Variants in SSH2 observed in about 807,000 individuals in gnomAD.
SSH2 encodes protein phosphatase Slingshot homolog 2.
Under a neutral mutation model 135.2 loss-of-function variants are expected in SSH2, and 37 were observed. The ratio of observed to expected loss-of-function variants is 0.27; its 90% CI spans 0.21 to 0.36. SSH2 has a LOEUF of 0.36. SSH2 is among the 10% of genes least tolerant of loss of function. The pLI is 1.00. For synonymous variants in SSH2, 628 were observed against 646.2 expected, an observed-to-expected ratio of 0.97 and a Z score of 0.43; for missense variants, 1,408 against 1,765.3, an observed-to-expected ratio of 0.80 and a Z score of 3.63.
chr17:29,810,396 T>G (rs1202340079), intron 2 of SSH2, among the ~76,000 whole-genome samples: 7 of 152,224 alleles, frequency 4.6e-5, no homozygotes, highest in South Asian at 4.1e-4. Context: ...AGAAGTGGGT[T>G]CTATTTATTT....
intron 2 of SSH2, among the ~76,000 whole-genome samples, chr17:29,833,352 T>G (rs2042881219): frequency 1.3e-5 from 2 of 152,240 alleles, no homozygotes; most frequent in South Asian, 4.1e-4. Context: ...CCTCTTTGTC[T>G]CTATAGTTTT....
intron 1 of SSH2, among the ~76,000 whole-genome samples, chr17:29,924,421 C>T (rs1440629557): frequency 1.3e-5 from 2 of 152,172 alleles, no homozygotes; most frequent in Non-Finnish European, 2.9e-5. Flanking sequence ...TTTGGTGAAA[C>T]TTAGATGGAC....
At chr17:29,733,973 C>T (rs1236259422) in intron 3 of SSH2, among the ~76,000 whole-genome samples, 2 of 144,676 alleles carry the variant, frequency 1.4e-5, no homozygotes, top group East Asian at 2.0e-4. Context: ...TGCAGTGGTG[C>T]GATCTTGGCT....
intron 2 of SSH2, among the ~76,000 whole-genome samples, chr17:29,824,321 T>G (rs2042706171): frequency 6.6e-6 from 1 of 152,240 alleles, no homozygotes; most frequent in Non-Finnish European, 1.5e-5. Context: ...CCATCCTGAT[T>G]GTGTCAGCAT....
chr17:29,681,092 G>C (rs1237408854), intron 6 of SSH2, among the ~76,000 whole-genome samples: 1 of 151,890 alleles, frequency 6.6e-6, no homozygotes, highest in Non-Finnish European at 1.5e-5. Flanking sequence ...TGTAATCCCA[G>C]CACTTTGGGA....
chr17:29,712,137 C>T (rs1447822825), intron 3 of SSH2, among the ~76,000 whole-genome samples: 1 of 152,206 alleles, frequency 6.6e-6, no homozygotes, highest in Non-Finnish European at 1.5e-5. Flanking sequence ...TAGGCAGATA[C>T]AAGACAAATG....
chr17:29,862,849 T>C (rs1178498451), intron 1 of SSH2, among the ~76,000 whole-genome samples: 6 of 152,182 alleles, frequency 3.9e-5, no homozygotes, highest in Non-Finnish European at 8.8e-5. Flanking sequence ...CATCTCTCAG[T>C]CCAAATCTCA....
At chr17:29,716,484 G>T in intron 3 of SSH2, 2 of 702,106 alleles carry the variant, frequency 2.8e-6, no homozygotes, top group Admixed American at 1.8e-5. Flanking sequence ...GCAGCATGCT[G>T]GTTAACATTG....
intron 1 of SSH2, among the ~76,000 whole-genome samples, chr17:29,853,417 G>GTGGTAGGCCTTT: frequency 6.6e-6 from 1 of 151,900 alleles, no homozygotes; most frequent in South Asian, 2.1e-4. Flanking sequence ...GCAACTCTCA[G>GTGGTAGGCCTTT]TGGTAGGCCT....
chr17:29,848,316 C>T (rs2065482798), intron 2 of SSH2, among the ~76,000 whole-genome samples: 3 of 152,070 alleles, frequency 2.0e-5, no homozygotes. Flanking sequence ...TTATAACATC[C>T]CATGAAATGT....
At chr17:29,701,089 G>A (rs1210462433) in intron 4 of SSH2, among the ~76,000 whole-genome samples, 4 of 151,990 alleles carry the variant, frequency 2.6e-5, no homozygotes, top group Non-Finnish European at 5.9e-5. Flanking sequence ...TCCTGACTCA[G>A]CCTCCTGAAT....
intron 4 of SSH2, among the ~76,000 whole-genome samples, chr17:29,696,908 T>C (rs936614270): frequency 6.6e-6 from 1 of 151,886 alleles, no homozygotes; most frequent in Admixed American, 6.6e-5. Context: ...ATGGTCTTGA[T>C]CTCCTGACCT....
At chr17:29,731,817 T>C (rs1461396599) in intron 3 of SSH2, among the ~76,000 whole-genome samples, 2 of 152,216 alleles carry the variant, frequency 1.3e-5, no homozygotes, top group African/African-American at 2.4e-5. Flanking sequence ...TCAGACCCTA[T>C]AGGGTACTAA....
In SSH2 at chr17:29,660,369, C is replaced by T. The variant is rs530284998; in HGVS notation, c.1033-4762G>A. 6.0e-5 allele frequency among the ~76,000 whole-genome samples: 9 copies of T among 148,854 alleles called. No homozygotes were observed. The South Asian group carries it at 1.1e-3, about 18-fold the overall frequency. On this transcript the variant is annotated intron_variant, in intron 11 of 15. Coordinates refer to ENST00000540801, the MANE Select transcript of SSH2 (RefSeq NM_001282129.2). ...GCAACCTCTGCCTCCCAGGTTCAAG[C>T]GATTCTCCTGCCTCAGCCTCCCGAG... is the stretch of plus-strand genomic sequence containing the variant.
chr17:29,703,907 A>G (rs2039093812), intron 3 of SSH2, among the ~76,000 whole-genome samples: 1 of 152,214 alleles, frequency 6.6e-6, no homozygotes, highest in Non-Finnish European at 1.5e-5. Context: ...TATACATTAC[A>G]TGGCAGCAGT....
rs1453738916 is a variant in SSH2, at chr17:29,630,475, A to C, written c.*366T>G. On this transcript the variant is annotated 3_prime_UTR_variant, in exon 16 of 16. Coordinates refer to ENST00000540801, the MANE Select transcript of SSH2 (RefSeq NM_001282129.2). ...CCCAGCTTTATCTCCACCCCTCCGA[A>C]TCTGCTTCCTTCCCTCAATTAAGAA... is the stretch of plus-strand genomic sequence containing the variant. 6.2e-6 allele frequency: 1 copy of C among 161,000 alleles called. No individual in the cohort carries two copies. Among genetic ancestry groups the C allele is most frequent in the African/African-American group, 2.4e-5 (1 of 41,658 alleles). 10.0% of individuals were successfully genotyped at this position (161,000 alleles called of 1,614,324 possible).
intron 3 of SSH2, among the ~76,000 whole-genome samples, chr17:29,731,417 T>TTTTTTTTATTTA (rs978147775): frequency 5.0e-5 from 6 of 119,722 alleles, no homozygotes; most frequent in African/African-American, 1.8e-4. Flanking sequence ...CAGAAGTATT[T>TTTTTTTTATTTA]TTTATTTATT....
chr17:29,908,376 T>G (rs1276326732), intron 1 of SSH2, among the ~76,000 whole-genome samples: 2 of 152,104 alleles, frequency 1.3e-5, no homozygotes, highest in Non-Finnish European at 2.9e-5. Context: ...GAGGATCACT[T>G]GGGCCCAGGA....
chr17:29,845,671 C>A (rs74551891), intron 2 of SSH2, among the ~76,000 whole-genome samples: 1 of 151,276 alleles, frequency 6.6e-6, no homozygotes. Context: ...CATATCCTTC[C>A]GCCTTAGCCT....
Sources: allele counts gnomAD v4.1 joint callset (sites outside exome capture counted in the v4.1 genomes callset), GRCh38; gene constraint gnomAD v4.1.1; transcripts MANE v1.5; gene names NCBI Gene and HGNC (gene_info 2026-07-23, HGNC 2026-07-21).